The following TCF4 variants were observed in gnomAD, a reference collection of about 807,000 sequenced individuals.
The protein encoded by TCF4 is SL3-3 enhancer factor 2.
Under a neutral mutation model 82.1 loss-of-function variants are expected in TCF4, and 3 were observed. The ratio of observed to expected loss-of-function variants is 0.04; its 90% CI spans 0.02 to 0.09. The LOEUF (loss-of-function observed/expected upper bound fraction) is 0.09. Among genes scored for constraint, TCF4 ranks in the 10% least tolerant of loss-of-function variants. The pLI, the probability that TCF4 is intolerant of heterozygous loss-of-function variation, is 1.00. For synonymous variants in TCF4, 276 were observed against 309.6 expected, an observed-to-expected ratio of 0.89 and a Z score of 1.14; for missense variants, 518 against 852.7, an observed-to-expected ratio of 0.61 and a Z score of 4.89.
At chr18:55,390,569 AAC>A (rs2093005889) in intron 6 of TCF4, among the ~76,000 whole-genome samples, 2 of 152,212 alleles carry the variant, frequency 1.3e-5, no homozygotes, top group African/African-American at 4.8e-5. Flanking sequence ...CTATATGTGT[AAC>A]TATCTAGAGG....
intron 11 of TCF4, chr18:55,266,619 T>A (rs549773205): frequency 6.6e-6 from 1 of 152,046 alleles, no homozygotes; most frequent in East Asian, 1.9e-4. Flanking sequence ...TACCTTGTTC[T>A]ACAATTCTCT....
chr18:55,583,633 C>T (rs1419950078), intron 3 of TCF4, among the ~76,000 whole-genome samples: 11 of 152,044 alleles, frequency 7.2e-5, no homozygotes, highest in Non-Finnish European at 1.5e-5. Flanking sequence ...ATTTTCACAA[C>T]ATTGCAAACT....
At chr18:55,294,386 A>T (rs1222689761) in intron 8 of TCF4, among the ~76,000 whole-genome samples, 1 of 152,182 alleles carries the variant, frequency 6.6e-6, no homozygotes, top group Non-Finnish European at 1.5e-5. Flanking sequence ...CATCCAATAC[A>T]ATGGGTTGCC....
At chr18:55,462,177 T>C (rs1254058430) in intron 4 of TCF4, among the ~76,000 whole-genome samples, 2 of 152,180 alleles carry the variant, frequency 1.3e-5, no homozygotes, top group Non-Finnish European at 2.9e-5. Flanking sequence ...TTTCCTCGTG[T>C]ATAACAATTA....
At chr18:55,350,521 G>A in intron 7 of TCF4, 113 bp from the exon 8 acceptor site, 1 of 1,054,496 alleles carries the variant, frequency 9.5e-7, no homozygotes, top group East Asian at 2.5e-5. Context: ...CATTACCTTA[G>A]CAAACTGTAG....
chr18:55,365,156 A>ATATAT (rs2086534987), intron 6 of TCF4, among the ~76,000 whole-genome samples: 2 of 83,538 alleles, frequency 2.4e-5, no homozygotes, highest in Non-Finnish European at 4.4e-5. Context: ...CCATCTCCAA[A>ATATAT]ATATATATAT....
At chr18:55,376,660 T>C (rs1223428848) in intron 6 of TCF4, among the ~76,000 whole-genome samples, 1 of 152,206 alleles carries the variant, frequency 6.6e-6, no homozygotes, top group African/African-American at 2.4e-5. Context: ...TCCACTTGCA[T>C]ATATCACATC....
intron 5 of TCF4, among the ~76,000 whole-genome samples, chr18:55,431,339 G>T (rs1372810583): frequency 6.6e-6 from 1 of 152,160 alleles, no homozygotes; most frequent in Non-Finnish European, 1.5e-5. Context: ...GAGTGCAATG[G>T]GGCGATCTCG....
chr18:55,577,030 T>C (rs765722132), intron 3 of TCF4, among the ~76,000 whole-genome samples: 11 of 149,570 alleles, frequency 7.4e-5, no homozygotes, highest in Non-Finnish European at 1.5e-4. Flanking sequence ...CTATGTCCTC[T>C]AATTGCTAAC....
At chr18:55,306,849 T>C (rs1398238630) in intron 8 of TCF4, among the ~76,000 whole-genome samples, 3 of 152,094 alleles carry the variant, frequency 2.0e-5, no homozygotes, top group South Asian at 2.1e-4. Flanking sequence ...TAGACAAAAA[T>C]AGAGTGGATT....
chr18:55,424,787 AATATT>A (rs1356173385), intron 5 of TCF4, among the ~76,000 whole-genome samples: 6 of 152,206 alleles, frequency 3.9e-5, no homozygotes, highest in Admixed American at 1.3e-4. Flanking sequence ...ATACAGTACA[AATATT>A]ATAAAGAATC....
intron 8 of TCF4, among the ~76,000 whole-genome samples, chr18:55,316,033 T>C (rs1040554246): frequency 6.6e-6 from 1 of 152,074 alleles, no homozygotes; most frequent in Non-Finnish European, 1.5e-5. Flanking sequence ...TAAAGTGCAA[T>C]TAAACATATA....
chr18:55,567,568 C>T (rs2097420625), intron 3 of TCF4, among the ~76,000 whole-genome samples: 1 of 152,100 alleles, frequency 6.6e-6, no homozygotes, highest in African/African-American at 2.4e-5. Flanking sequence ...CAAAAATTAG[C>T]TGGGTGTGTT....
At chr18:55,416,333 A>T (rs567939366) in intron 5 of TCF4, among the ~76,000 whole-genome samples, 3 of 152,332 alleles carry the variant, frequency 2.0e-5, no homozygotes, top group African/African-American at 4.8e-5. Flanking sequence ...AATAGTCCAT[A>T]ACACATCCAA....
chr18:55,589,845 A>G (rs1039584163), upstream of TCF4: 3 of 1,001,040 alleles, frequency 3.0e-6, no homozygotes, highest in African/African-American at 1.7e-5. Flanking sequence ...CCTCCAGACA[A>G]TGACTGGGAA....
intron 6 of TCF4, among the ~76,000 whole-genome samples, chr18:55,360,746 T>C (rs1389939570): frequency 2.6e-5 from 3 of 115,856 alleles, no homozygotes; most frequent in African/African-American, 9.9e-5. Flanking sequence ...TTTTTTTTTT[T>C]TGAGAGAAGT....
chr18:55,472,384 C>T (rs906918608), intron 3 of TCF4, among the ~76,000 whole-genome samples: 14 of 152,234 alleles, frequency 9.2e-5, no homozygotes, highest in African/African-American at 2.6e-4. Context: ...GAGGTGTCAA[C>T]GATCATCTAA....
chr18:55,303,267 A>ACC (rs1555852032), intron 8 of TCF4, among the ~76,000 whole-genome samples: 24 of 142,192 alleles, frequency 1.7e-4, no homozygotes, highest in Middle Eastern at 3.7e-3. Flanking sequence ...ACACACACAC[A>ACC]CCCCTACACA....
At chr18:55,352,758 C>T (rs946499052) in intron 6 of TCF4, among the ~76,000 whole-genome samples, 5 of 152,058 alleles carry the variant, frequency 3.3e-5, no homozygotes, top group Admixed American at 6.6e-5. Context: ...AATAATTTAT[C>T]ATTTAGGAGT....
Sources: gnomAD v4.1 joint callset for allele counts (sites outside exome capture counted in the v4.1 genomes callset) on GRCh38, gnomAD v4.1.1 for gene constraint, MANE v1.5 for transcripts, NCBI Gene and HGNC (gene_info 2026-07-23, HGNC 2026-07-21) for gene names.